LCP1: variants seen among roughly 807,000 people sequenced by gnomAD.
LCP1 encodes the protein lymphocyte cytosolic protein 1.
LCP1 carries 23 observed loss-of-function variants against 72.0 expected under a neutral mutation model. That is an observed-to-expected ratio of 0.32 (90% CI 0.23 to 0.45). The LOEUF (loss-of-function observed/expected upper bound fraction) is 0.45. Ranked by LOEUF, LCP1 falls within the 20% of genes least tolerant of loss-of-function variation. LCP1 has a pLI of 1.00. For missense variants in LCP1, 571 were observed against 748.3 expected, an observed-to-expected ratio of 0.76 and a Z score of 2.76; for synonymous variants, 245 against 275.4, an observed-to-expected ratio of 0.89 and a Z score of 1.09.
Position 46,126,522 on chromosome 13 carries a change from T to C in LCP1, c.*1069A>G, listed in dbSNP as rs747135872. ...GGCACATATTGTCCCCCCTGGAGTT[T>C]AGGGGTGGCAGAAAGCTTTTATAGT... On this transcript the variant is annotated 3_prime_UTR_variant, in exon 16 of 16. Coordinates refer to ENST00000323076, the MANE Select transcript of LCP1 (RefSeq NM_002298.5). The C allele has an allele frequency of 7.8e-5, 18 of 232,250 alleles. No individual in the cohort carries two copies. Among genetic ancestry groups the C allele is most frequent in the Non-Finnish European group, 1.2e-4 (14 of 117,266 alleles). The allele number at this position is 232,250 out of a possible 1,614,324, so 14.4% of individuals were successfully genotyped here.
At chr13:46,130,988 C>A in intron 14 of LCP1, 50 bp from the exon 15 acceptor site, 4 of 1,523,840 alleles carry the variant, frequency 2.6e-6, no homozygotes, top group Non-Finnish European at 3.5e-6. Context: ...AAAGTTACTC[C>A]CATTCAGCTC....
intron 7 of LCP1, among the ~76,000 whole-genome samples, chr13:46,152,484 C>G (rs1007143263): frequency 6.6e-6 from 1 of 152,166 alleles, no homozygotes; most frequent in Non-Finnish European, 1.5e-5. Context: ...TTACAAATAT[C>G]TAAAGGCAAA....
chr13:46,154,515 A>G (rs1488552925), intron 6 of LCP1, among the ~76,000 whole-genome samples: 1 of 152,224 alleles, frequency 6.6e-6, no homozygotes, highest in African/African-American at 2.4e-5. Flanking sequence ...TTGGCATCAA[A>G]TCAAAGATAA....
intron 14 of LCP1, among the ~76,000 whole-genome samples, chr13:46,133,857 A>G (rs1466577140): frequency 6.6e-6 from 1 of 152,116 alleles, no homozygotes; most frequent in Non-Finnish European, 1.5e-5. Context: ...CATGTAACAA[A>G]TCTGCACATG....
At chr13:46,170,236 A>G (rs2045898419) in intron 1 of LCP1, among the ~76,000 whole-genome samples, 1 of 152,252 alleles carries the variant, frequency 6.6e-6, no homozygotes, top group Admixed American at 6.5e-5. Flanking sequence ...AATGCTTCAA[A>G]TTCACATTAA....
intron 1 of LCP1, among the ~76,000 whole-genome samples, chr13:46,161,042 A>G (rs956505264): frequency 6.6e-6 from 1 of 152,182 alleles, no homozygotes; most frequent in Non-Finnish European, 1.5e-5. Flanking sequence ...ATTACACTCA[A>G]TTTTGCAAAT....
Position 46,127,530 on chromosome 13 carries a change from G to C in LCP1, c.*61C>G. 6.2e-7 allele frequency: 1 copy of C among 1,600,930 alleles called. No homozygotes were observed. The highest frequency in any genetic ancestry group is 8.5e-7 in the Non-Finnish European group (1 of 1,171,818). On this transcript the variant is annotated 3_prime_UTR_variant, in exon 16 of 16. Transcript: ENST00000323076. ...TTTGGAATGGCTTGAATCATCCCTGGAGCATCTGTGCCGGGCAGTCAGGAG... is the reference window on the plus strand; with the variant it reads ...TTTGGAATGGCTTGAATCATCCCTGCAGCATCTGTGCCGGGCAGTCAGGAG...
At chr13:46,128,458 C>T (rs891725951) in intron 15 of LCP1, among the ~76,000 whole-genome samples, 4 of 152,008 alleles carry the variant, frequency 2.6e-5, no homozygotes, top group Non-Finnish European at 5.9e-5. Flanking sequence ...ATTAGCCAGG[C>T]GTGGTGGCGT....
chr13:46,134,877 G>T (rs1044675345), intron 13 of LCP1, among the ~76,000 whole-genome samples: 1 of 152,066 alleles, frequency 6.6e-6, no homozygotes, highest in Non-Finnish European at 1.5e-5. Flanking sequence ...GCCAAGGTGA[G>T]CAGTTCACTT....
Position 46,159,652 on chromosome 13 carries a change from C to A in LCP1, c.11G>T (p.Gly4Val). Residue 4 changes from glycine to valine, a missense_variant, in exon 2 of 16, where the codon GGA becomes GTA. Transcript: ENST00000323076. MARGSVSDEEMMEL... is the reference protein window; with the variant it reads MARVSVSDEEMMEL... Reference sequence around the variant, plus strand: ...CATCATTTCCTCATCGGACACTGATCCTCTGGCCATTTTTTATTGCTTTAG... The same window carrying A: ...CATCATTTCCTCATCGGACACTGATACTCTGGCCATTTTTTATTGCTTTAG... 6.2e-7 allele frequency: 1 copy of A among 1,613,844 alleles called. No homozygotes were observed. Among genetic ancestry groups the A allele is most frequent in the Non-Finnish European group, 8.5e-7 (1 of 1,179,874 alleles).
intron 8 of LCP1, among the ~76,000 whole-genome samples, chr13:46,150,136 C>T (rs966754897): frequency 6.6e-6 from 1 of 152,186 alleles, no homozygotes; most frequent in African/African-American, 2.4e-5. Context: ...GTGAACTTTC[C>T]TCTGACTCTT....
chr13:46,173,830 GAA>G (rs2045915277), intron 1 of LCP1, among the ~76,000 whole-genome samples: 4 of 152,290 alleles, frequency 2.6e-5, no homozygotes, highest in Admixed American at 2.6e-4. Context: ...ACTGACAGTG[GAA>G]AGTACCTTCT....
In LCP1 at chr13:46,163,882, T is replaced by C. The variant is rs182045431; in HGVS notation, c.-24-4196A>G. Among the ~76,000 whole-genome samples the C allele has an allele frequency of 1.2e-3, 181 of 152,350 alleles. 2 individuals are homozygous for C. Among genetic ancestry groups the C allele is most frequent in the Admixed American group, 2.9e-3 (44 of 15,310 alleles). On this transcript the variant is annotated intron_variant, in intron 1 of 15. Coordinates refer to ENST00000323076, the MANE Select transcript of LCP1 (RefSeq NM_002298.5). The stretch of plus-strand genomic sequence containing the variant: ...TTCTATACCCTCTACCATATCCACA[T>C]ATGCATGAATAGAAGGCTCTCCAGC...
At chr13:46,127,830 C>T in intron 15 of LCP1, 107 bp from the exon 16 acceptor site, 3 of 1,325,020 alleles carry the variant, frequency 2.3e-6, no homozygotes, top group Non-Finnish European at 3.1e-6. Flanking sequence ...ACAGAACTCA[C>T]TCCTGCAGTG....
chr13:46,131,374 G>A (rs1376129025), intron 14 of LCP1, among the ~76,000 whole-genome samples: 1 of 152,174 alleles, frequency 6.6e-6, no homozygotes, highest in Non-Finnish European at 1.5e-5. Flanking sequence ...GTGAGGTTGT[G>A]GAGAAAAGGG....
chr13:46,160,353 A>G (rs1216697530), intron 1 of LCP1, among the ~76,000 whole-genome samples: 1 of 152,230 alleles, frequency 6.6e-6, no homozygotes, highest in Non-Finnish European at 1.5e-5. Flanking sequence ...TTAAGTCACT[A>G]CGTTTTAGAG....
intron 11 of LCP1, 40 bp downstream of exon 11, chr13:46,144,402 T>A: frequency 7.0e-7 from 1 of 1,431,002 alleles, no homozygotes; most frequent in East Asian, 2.3e-5. Flanking sequence ...TCTTTTGAGG[T>A]CTCTATCTTA....
chr13:46,157,429 TG>T (rs2045809787), intron 4 of LCP1, among the ~76,000 whole-genome samples: 1 of 152,176 alleles, frequency 6.6e-6, no homozygotes. Flanking sequence ...TAAAATCATT[TG>T]GATATAATCT....
At chr13:46,151,752 G>T (rs1249222658) in intron 7 of LCP1, among the ~76,000 whole-genome samples, 2 of 152,128 alleles carry the variant, frequency 1.3e-5, no homozygotes. Flanking sequence ...TGGTTATTGT[G>T]ATTTGGACAT....
Sources: gnomAD v4.1 joint callset for allele counts (sites outside exome capture counted in the v4.1 genomes callset) on GRCh38, gnomAD v4.1.1 for gene constraint, MANE v1.5 for transcripts, NCBI Gene and HGNC (gene_info 2026-07-23, HGNC 2026-07-21) for gene names.